Variants in ANXA8 observed in about 807,000 individuals in gnomAD.
The protein encoded by ANXA8 is annexin A8.
Under a neutral mutation model 26.8 loss-of-function variants are expected in ANXA8, and 9 were observed. The observed-to-expected ratio is 0.34, with a 90% CI of 0.20 to 0.59. The LOEUF is 0.59. Ranked by LOEUF, ANXA8 falls within the 20% of genes least tolerant of loss-of-function variation. The pLI, the probability that ANXA8 is intolerant of heterozygous loss-of-function variation, is 0.84. For missense variants in ANXA8, 83 were observed against 238.5 expected, an observed-to-expected ratio of 0.35 and a Z score of 4.29; for synonymous variants, 39 against 94.8, an observed-to-expected ratio of 0.41 and a Z score of 3.42.
At chr10:47,599,398 T>A in the ANXA8 span, among the ~76,000 whole-genome samples, 2 of 147,748 alleles carry the variant, frequency 1.4e-5, 1 homozygote, top group African/African-American at 5.3e-5. Context: ...CTTTGTGTGG[T>A]CTGGGCCTTA....
the ANXA8 span, among the ~76,000 whole-genome samples, chr10:47,581,894 C>T: frequency 6.6e-6 from 1 of 150,398 alleles, no homozygotes; most frequent in Admixed American, 6.6e-5. Context: ...CGTGAGCCAC[C>T]GTGCCCCGCC....
the ANXA8 span, among the ~76,000 whole-genome samples, chr10:47,490,695 G>A: frequency 7.1e-6 from 1 of 140,424 alleles, no homozygotes; most frequent in African/African-American, 2.7e-5. Flanking sequence ...GCTAGTGAAA[G>A]GTTAAAGCAG....
the ANXA8 span, among the ~76,000 whole-genome samples, chr10:47,735,193 G>C: frequency 1.4e-5 from 2 of 147,530 alleles, no homozygotes; most frequent in Non-Finnish European, 3.0e-5. Context: ...TCTACCTCCT[G>C]GGCGCAAGCA....
chr10:47,606,150 G>T, the ANXA8 span, among the ~76,000 whole-genome samples: 38 of 136,864 alleles, frequency 2.8e-4, no homozygotes, highest in African/African-American at 3.0e-4. Flanking sequence ...AACCAGATGG[G>T]TGAACATAAA....
chr10:47,932,227 A>G, the ANXA8 span, among the ~76,000 whole-genome samples: 2 of 151,138 alleles, frequency 1.3e-5, 1 homozygote, highest in Non-Finnish European at 3.0e-5. Context: ...CTGTGAGACC[A>G]TAAGTTTCTG....
chr10:47,966,343 TG>T, the ANXA8 span, among the ~76,000 whole-genome samples: 1 of 149,178 alleles, frequency 6.7e-6, no homozygotes. Context: ...GTTGCAGGGG[TG>T]GGTTCAGGAA....
the ANXA8 span, among the ~76,000 whole-genome samples, chr10:47,958,569 C>G: frequency 4.7e-5 from 7 of 148,342 alleles, 1 homozygote; most frequent in South Asian, 1.5e-3. Flanking sequence ...GTGCCTTCCA[C>G]TGATGGCTTC....
chr10:47,776,500 CCTT>C, the ANXA8 span, among the ~76,000 whole-genome samples: 3 of 151,712 alleles, frequency 2.0e-5, no homozygotes, highest in Non-Finnish European at 2.9e-5. Context: ...CTCACTTTGT[CCTT>C]CTCTGGGCGG....
chr10:47,534,386 T>C, the ANXA8 span, among the ~76,000 whole-genome samples: 2 of 127,960 alleles, frequency 1.6e-5, 1 homozygote, highest in Non-Finnish European at 3.2e-5. Context: ...CTTTCATGCA[T>C]GCCGCTATGG....
the ANXA8 span, among the ~76,000 whole-genome samples, chr10:47,595,516 C>A: frequency 2.3e-4 from 34 of 149,048 alleles, no homozygotes; most frequent in Non-Finnish European, 5.9e-5. Flanking sequence ...TTCAAGAGAC[C>A]CATCTCACAA....
the ANXA8 span, among the ~76,000 whole-genome samples, chr10:47,498,276 T>C: frequency 1.3e-5 from 2 of 148,816 alleles, no homozygotes; most frequent in Admixed American, 1.4e-4. Context: ...AACTGGCTTA[T>C]TTCACTTAGC....
At position 47,481,961 on chromosome 10, in the gene ANXA8, C is replaced by T. The variant is rs1167529002; in HGVS notation, c.21+1952G>A. 4.2e-4 allele frequency among the ~76,000 whole-genome samples: 61 copies of T among 143,540 alleles called. 5 individuals carry two copies. The highest frequency in any genetic ancestry group is 1.4e-3 in the African/African-American group (56 of 39,468). 94.2% of individuals were successfully genotyped at this position (143,540 alleles called of 152,430 possible). A position where few individuals can be genotyped will look rare whatever the true frequency, so the allele number is the denominator to read the frequency against. ...TTCTGTGACAGGCACAGGGGAGCTG[C>T]CACGCCTTGGCCTTCCCCTGCTACG... On this transcript the variant is annotated intron_variant, in intron 1 of 11. Coordinates refer to ENST00000585281, the MANE Select transcript of ANXA8 (RefSeq NM_001040084.3).
the ANXA8 span, among the ~76,000 whole-genome samples, chr10:47,693,382 C>G: frequency 1.3e-5 from 2 of 151,274 alleles, no homozygotes; most frequent in Admixed American, 6.6e-5. Context: ...CTCTGCCTCC[C>G]GGGTTCACGC....
At chr10:47,951,171 G>A in the ANXA8 span, among the ~76,000 whole-genome samples, 1 of 149,472 alleles carries the variant, frequency 6.7e-6, no homozygotes, top group Non-Finnish European at 1.5e-5. Flanking sequence ...AAGCTTTACG[G>A]CAACAAATTT....
chr10:47,684,775 G>A, the ANXA8 span, among the ~76,000 whole-genome samples: 6 of 150,596 alleles, frequency 4.0e-5, no homozygotes, highest in East Asian at 3.9e-4. Flanking sequence ...TAGTAGAGAC[G>A]GGGTTTTACC....
the ANXA8 span, among the ~76,000 whole-genome samples, chr10:47,595,617 T>C: frequency 6.7e-6 from 1 of 149,298 alleles, no homozygotes; most frequent in African/African-American, 2.6e-5. Context: ...TCTATTCTCA[T>C]ATCAGAGAAA....
the ANXA8 span, among the ~76,000 whole-genome samples, chr10:47,645,393 G>T: frequency 6.8e-6 from 1 of 147,928 alleles, no homozygotes. Flanking sequence ...CATAGATGGG[G>T]CAGATCTGCA....
the ANXA8 span, among the ~76,000 whole-genome samples, chr10:47,945,254 C>A: frequency 6.7e-6 from 1 of 149,872 alleles, no homozygotes; most frequent in Non-Finnish European, 1.5e-5. Context: ...AGGGCCTGGG[C>A]ATTTTGTCAC....
the ANXA8 span, among the ~76,000 whole-genome samples, chr10:47,958,353 C>A: frequency 6.8e-6 from 1 of 147,124 alleles, no homozygotes; most frequent in Non-Finnish European, 1.5e-5. Flanking sequence ...GTGGTGCACG[C>A]CTGTAATCCC....
Sources: allele counts gnomAD v4.1 joint callset (sites outside exome capture counted in the v4.1 genomes callset), GRCh38; gene constraint gnomAD v4.1.1; transcripts MANE v1.5; gene names NCBI Gene and HGNC (gene_info 2026-07-23, HGNC 2026-07-21).